The following ANKRD55 variants were observed in gnomAD, a reference collection of about 807,000 sequenced individuals.
ANKRD55 encodes ankyrin repeat domain-containing protein 55.
ANKRD55 carries 41 observed loss-of-function variants against 60.6 expected under a neutral mutation model. The ratio of observed to expected loss-of-function variants is 0.68; its 90% confidence interval spans 0.53 to 0.88. The LOEUF (loss-of-function observed/expected upper bound fraction) is 0.88, where lower values mean the gene tolerates loss of function less well. Among genes scored for constraint, ANKRD55 ranks in the 40% least tolerant of loss-of-function variants. The pLI, the probability that ANKRD55 is intolerant of heterozygous loss-of-function variation, is 0.00. For synonymous variants in ANKRD55, 264 were observed against 290.3 expected (o/e 0.91, Z 0.92); for missense variants, 732 against 767.6 (o/e 0.95, Z 0.55).
intron 2 of ANKRD55, among the ~76,000 whole-genome samples, chr5:56,205,867 A>T (rs1759492167): frequency 2.0e-5 from 3 of 151,814 alleles, no homozygotes; most frequent in African/African-American, 7.3e-5. Flanking sequence ...GTTATCCCTG[A>T]CACCCTGTAG....
rs973639554 is a variant in ANKRD55, at chr5:56,137,568, A to G, written c.612+6233T>C. 5 of 88,770 alleles carry G rather than the reference A, an allele frequency of 5.6e-5. No individual in the cohort carries two copies. The Middle Eastern group carries it at 0.015, about 272-fold the overall frequency. The allele number at this position is 88,770 out of a possible 1,614,324, so 5.5% of individuals were successfully genotyped here. ...AAATAAATGCAATTAAAAGTAAAAGAAAAAAAAAAAGAATTCCAGGAGATA... is the reference window on the plus strand; with the variant it reads ...AAATAAATGCAATTAAAAGTAAAAGGAAAAAAAAAAGAATTCCAGGAGATA... On this transcript the variant is annotated intron_variant, in intron 7 of 11. Coordinates refer to ENST00000341048, the MANE Select transcript of ANKRD55 (RefSeq NM_024669.3).
intron 2 of ANKRD55, among the ~76,000 whole-genome samples, chr5:56,228,966 C>T (rs1159825874): frequency 6.6e-6 from 1 of 152,196 alleles, no homozygotes; most frequent in Non-Finnish European, 1.5e-5. Flanking sequence ...ACACACCGCT[C>T]AGCCTCGTCA....
At chr5:56,192,769 T>C in intron 2 of ANKRD55, 1 of 1,110,034 alleles carries the variant, frequency 9.0e-7, no homozygotes, top group East Asian at 2.5e-5. Context: ...AACGTAAAGA[T>C]GAGAACACAG....
At chr5:56,172,043 C>T (rs1334916096) in intron 4 of ANKRD55, among the ~76,000 whole-genome samples, 5 of 151,116 alleles carry the variant, frequency 3.3e-5, no homozygotes, top group Admixed American at 1.3e-4. Context: ...GGCGTGAACC[C>T]GGGAGGCAGA....
chr5:56,123,828 G>A (rs1029073646), intron 8 of ANKRD55, among the ~76,000 whole-genome samples: 1 of 152,110 alleles, frequency 6.6e-6, no homozygotes, highest in African/African-American at 2.4e-5. Flanking sequence ...GCCAGTCTGT[G>A]GTACCTAATT....
chr5:56,119,663 C>T (rs1380570016), intron 8 of ANKRD55, among the ~76,000 whole-genome samples: 1 of 152,114 alleles, frequency 6.6e-6, no homozygotes, highest in Non-Finnish European at 1.5e-5. Context: ...GCCTGAAATC[C>T]CAGCACTTCG....
chr5:56,102,004 TAA>T (rs529965401), intron 11 of ANKRD55, among the ~76,000 whole-genome samples: 1 of 151,934 alleles, frequency 6.6e-6, no homozygotes, highest in African/African-American at 2.4e-5. Context: ...GTTATTTTTT[TAA>T]AAAAAATAAG....
intron 2 of ANKRD55, among the ~76,000 whole-genome samples, chr5:56,201,281 C>A (rs1489135930): frequency 1.3e-5 from 2 of 152,196 alleles, no homozygotes; most frequent in Admixed American, 6.5e-5. Flanking sequence ...CACTGCACCA[C>A]GATGGCTTCA....
At chr5:56,119,402 A>C (rs1756974637) in intron 8 of ANKRD55, among the ~76,000 whole-genome samples, 1 of 152,214 alleles carries the variant, frequency 6.6e-6, no homozygotes, top group African/African-American at 2.4e-5. Flanking sequence ...CAGACAGATA[A>C]CTATTGAGTG....
At chr5:56,160,150 G>A (rs1758291214) in intron 5 of ANKRD55, among the ~76,000 whole-genome samples, 2 of 152,148 alleles carry the variant, frequency 1.3e-5, no homozygotes, top group Non-Finnish European at 2.9e-5. Flanking sequence ...GGGGCACAAG[G>A]GGATGGAGAA....
chr5:56,212,118 A>C (rs1287997353), intron 2 of ANKRD55, among the ~76,000 whole-genome samples: 1 of 151,702 alleles, frequency 6.6e-6, no homozygotes, highest in Non-Finnish European at 1.5e-5. Context: ...TCGGTTTGTG[A>C]ATACAAAATT....
intron 2 of ANKRD55, among the ~76,000 whole-genome samples, chr5:56,211,565 C>T (rs1156946940): frequency 6.6e-6 from 1 of 152,202 alleles, no homozygotes; most frequent in African/African-American, 2.4e-5. Context: ...GGATCCCGCC[C>T]TCTGACCCCT....
chr5:56,193,262 G>T, intron 2 of ANKRD55: 1 of 1,085,644 alleles, frequency 9.2e-7, no homozygotes, highest in South Asian at 1.5e-5. Context: ...TTCCTCCACT[G>T]AAGACTTAGC....
At chr5:56,117,164 G>A (rs1362050683) in intron 8 of ANKRD55, among the ~76,000 whole-genome samples, 14 of 152,166 alleles carry the variant, frequency 9.2e-5, no homozygotes, top group Admixed American at 9.2e-4. Context: ...ACTGAGTATT[G>A]TCACTAACTT....
At chr5:56,105,079 G>C (rs1294739363) in intron 10 of ANKRD55, among the ~76,000 whole-genome samples, 3 of 151,046 alleles carry the variant, frequency 2.0e-5, no homozygotes, top group African/African-American at 7.3e-5. Context: ...GCAAGGTGGA[G>C]CTATTCTTTT....
intron 2 of ANKRD55, among the ~76,000 whole-genome samples, chr5:56,216,834 C>G (rs1223969080): frequency 1.3e-5 from 2 of 152,152 alleles, no homozygotes; most frequent in African/African-American, 4.8e-5. Context: ...CTCTATAACA[C>G]AAAAATGGAA....
chr5:56,122,654 G>C (rs373992574), intron 8 of ANKRD55, among the ~76,000 whole-genome samples: 1 of 151,872 alleles, frequency 6.6e-6, no homozygotes, highest in African/African-American at 2.4e-5. Context: ...GTGAGACTCT[G>C]TCTCCAAAAA....
At chr5:56,164,939 C>G (rs1758414472) in intron 5 of ANKRD55, among the ~76,000 whole-genome samples, 1 of 152,134 alleles carries the variant, frequency 6.6e-6, no homozygotes, top group South Asian at 2.1e-4. Context: ...GTTAAGGATG[C>G]AGATTCATAC....
At chr5:56,114,868 C>T (rs569677410) in intron 9 of ANKRD55, among the ~76,000 whole-genome samples, 75 of 152,206 alleles carry the variant, frequency 4.9e-4, no homozygotes, top group Non-Finnish European at 8.1e-4. Flanking sequence ...AAGGCTGGAT[C>T]GTTTTTATAT....
Sources: allele counts gnomAD v4.1 joint callset (sites outside exome capture counted in the v4.1 genomes callset), GRCh38; gene constraint gnomAD v4.1.1; transcripts MANE v1.5; gene names NCBI Gene and HGNC (gene_info 2026-07-23, HGNC 2026-07-21).